Variants in C8orf34 observed in about 807,000 individuals in gnomAD.
The protein encoded by C8orf34 is uncharacterized protein C8orf34.
A neutral mutation model predicts 68.3 loss-of-function variants in C8orf34; 65 were observed. That is an observed-to-expected ratio of 0.95 (90% CI 0.78 to 1.17). C8orf34 has a LOEUF of 1.17. Among genes scored for constraint, C8orf34 ranks in the 50% most tolerant of loss-of-function variants. The pLI, the probability that C8orf34 is intolerant of heterozygous loss-of-function variation, is 0.00. For missense variants in C8orf34, 664 were observed against 655.4 expected (o/e 1.01, Z -0.14); for synonymous variants, 244 against 241.2 (o/e 1.01, Z -0.11).
chr8:68,527,566 C>T lies in C8orf34; in HGVS notation c.939-5417C>T, dbSNP rs540475224. The stretch of plus-strand genomic sequence containing the variant: ...CAGGCTGGGTGACAGAGCAAGACTC[C>T]GTCTCAAAAAAATAAAAAATAAAAA... On this transcript the variant is annotated intron_variant, in intron 6 of 13. Transcript: ENST00000518698. Among the ~76,000 whole-genome samples, 25 of 151,920 alleles carry T rather than the reference C, an allele frequency of 1.6e-4. No homozygotes were observed. The South Asian group carries it at 3.1e-3, about 19-fold the overall frequency.
At chr8:68,745,390 C>A (rs1211069951) in intron 10 of C8orf34, among the ~76,000 whole-genome samples, 1 of 151,788 alleles carries the variant, frequency 6.6e-6, no homozygotes, top group Admixed American at 6.6e-5. Context: ...AATAATATTA[C>A]CTTTAAATGT....
At chr8:68,413,757 A>G (rs1212495440) in intron 1 of C8orf34, among the ~76,000 whole-genome samples, 1 of 152,196 alleles carries the variant, frequency 6.6e-6, no homozygotes, top group African/African-American at 2.4e-5. Flanking sequence ...CACCACCACT[A>G]TAGTTCACTA....
chr8:68,654,239 A>T (rs890541459), intron 8 of C8orf34, among the ~76,000 whole-genome samples: 1 of 152,150 alleles, frequency 6.6e-6, no homozygotes, highest in Non-Finnish European at 1.5e-5. Context: ...ATCTGCCGCC[A>T]CCTTGATTTA....
intron 1 of C8orf34, among the ~76,000 whole-genome samples, chr8:68,359,297 C>T (rs1434896884): frequency 6.6e-6 from 1 of 152,100 alleles, no homozygotes; most frequent in African/African-American, 2.4e-5. Context: ...CTGAGCAACC[C>T]ATTCAATTTT....
At chr8:68,626,637 C>T (rs563458919) in intron 7 of C8orf34, among the ~76,000 whole-genome samples, 8 of 152,054 alleles carry the variant, frequency 5.3e-5, no homozygotes, top group East Asian at 1.9e-4. Context: ...ATACAAGGTT[C>T]GATTATTAGG....
intron 4 of C8orf34, among the ~76,000 whole-genome samples, chr8:68,486,451 G>T (rs1813083893): frequency 6.6e-6 from 1 of 152,020 alleles, no homozygotes; most frequent in South Asian, 2.1e-4. Context: ...CTTTTGATGT[G>T]ACACATAAAA....
chr8:68,446,975 A>G, intron 3 of C8orf34: 1 of 152,880 alleles, frequency 6.5e-6, no homozygotes, highest in African/African-American at 2.4e-5. Flanking sequence ...TTTTTATGTT[A>G]CTACAAAGGA....
chr8:68,549,030 G>A (rs1190704865), intron 7 of C8orf34, among the ~76,000 whole-genome samples: 1 of 151,716 alleles, frequency 6.6e-6, no homozygotes, highest in African/African-American at 2.4e-5. Context: ...AGAGTTGTTA[G>A]CCTTTAAAAG....
intron 1 of C8orf34, among the ~76,000 whole-genome samples, chr8:68,387,771 A>G (rs193006140): frequency 4.0e-4 from 61 of 152,338 alleles, no homozygotes; most frequent in African/African-American, 1.2e-3. Flanking sequence ...CTCATCATTT[A>G]TTGAAATCTA....
chr8:68,724,369 A>G (rs147261025), intron 10 of C8orf34, among the ~76,000 whole-genome samples: 114 of 152,326 alleles, frequency 7.5e-4, no homozygotes, highest in Non-Finnish European at 1.0e-3. Context: ...TATGCCACAA[A>G]TGTTGAAAAC....
intron 8 of C8orf34, among the ~76,000 whole-genome samples, chr8:68,701,215 C>A (rs117353589): frequency 1.3e-5 from 2 of 152,006 alleles, no homozygotes; most frequent in African/African-American, 4.8e-5. Flanking sequence ...ACAGCCTGTT[C>A]GATATCTTCA....
intron 1 of C8orf34, among the ~76,000 whole-genome samples, chr8:68,349,704 G>A (rs1043954106): frequency 6.6e-6 from 1 of 151,970 alleles, no homozygotes; most frequent in Non-Finnish European, 1.5e-5. Flanking sequence ...TCAGTCTTGT[G>A]AGGGTGTATG....
chr8:68,489,333 T>C (rs1378749780), intron 5 of C8orf34, among the ~76,000 whole-genome samples: 1 of 152,160 alleles, frequency 6.6e-6, no homozygotes, highest in Non-Finnish European at 1.5e-5. Context: ...GGGGGCTAGA[T>C]AGATACATAA....
intron 8 of C8orf34, 64 bp from the exon 9 acceptor site, chr8:68,708,930 G>T: frequency 8.7e-7 from 1 of 1,153,816 alleles, no homozygotes; most frequent in Non-Finnish European, 1.3e-6. Flanking sequence ...CCCCCATGGT[G>T]CATAGTTCAC....
intron 5 of C8orf34, among the ~76,000 whole-genome samples, chr8:68,500,884 G>A (rs1368168047): frequency 6.6e-6 from 1 of 152,106 alleles, no homozygotes; most frequent in Non-Finnish European, 1.5e-5. Flanking sequence ...GATCTGAGCT[G>A]TCTGCACAAA....
chr8:68,478,909 G>A (rs749682760), intron 4 of C8orf34, among the ~76,000 whole-genome samples: 40 of 152,070 alleles, frequency 2.6e-4, no homozygotes, highest in Non-Finnish European at 5.4e-4. Flanking sequence ...GATTTGGTTG[G>A]GGACACAGAG....
chr8:68,545,471 A>G (rs773443774), intron 7 of C8orf34, among the ~76,000 whole-genome samples: 81 of 152,174 alleles, frequency 5.3e-4, no homozygotes, highest in Non-Finnish European at 2.5e-4. Flanking sequence ...TCAGTTATAG[A>G]TAGAAAAACT....
intron 10 of C8orf34, among the ~76,000 whole-genome samples, chr8:68,743,789 C>A (rs987580688): frequency 1.3e-5 from 2 of 152,138 alleles, no homozygotes; most frequent in Non-Finnish European, 2.9e-5. Flanking sequence ...AACTGCAAGG[C>A]GGCAGCAAGG....
intron 3 of C8orf34, among the ~76,000 whole-genome samples, chr8:68,463,742 C>G (rs181164825): frequency 8.3e-4 from 127 of 152,256 alleles, no homozygotes; most frequent in African/African-American, 2.9e-3. Context: ...AATTCAACAA[C>G]GCTTCATGCT....
Sources: gnomAD v4.1 joint callset for allele counts (sites outside exome capture counted in the v4.1 genomes callset) on GRCh38, gnomAD v4.1.1 for gene constraint, MANE v1.5 for transcripts, NCBI Gene and HGNC (gene_info 2026-07-23, HGNC 2026-07-21) for gene names.